Variants in ACYP2 observed in about 807,000 individuals in gnomAD.
ACYP2 encodes the protein acylphosphatase-2.
ACYP2 carries 12 observed loss-of-function variants against 11.2 expected under a neutral mutation model. The ratio of observed to expected loss-of-function variants is 1.08; its 90% CI spans 0.69 to 1.74. The LOEUF (loss-of-function observed/expected upper bound fraction) is 1.74. Ranked by LOEUF, ACYP2 falls within the 40% of genes most tolerant of loss-of-function variation. ACYP2 has a pLI of 0.00. For synonymous variants in ACYP2, 43 were observed against 32.2 expected (o/e 1.33, Z -1.13); for missense variants, 134 against 101.9 (o/e 1.31, Z -1.35).
At chr2:54,122,692 CAGAA>C (rs1265716739) in intron 4 of ACYP2, among the ~76,000 whole-genome samples, 2 of 152,198 alleles carry the variant, frequency 1.3e-5, no homozygotes, top group Non-Finnish European at 2.9e-5. Flanking sequence ...TCAGGACTCT[CAGAA>C]AGATTCTGGG....
intron 6 of ACYP2, among the ~76,000 whole-genome samples, chr2:54,204,684 C>T (rs932339249): frequency 1.3e-5 from 2 of 152,180 alleles, no homozygotes; most frequent in Non-Finnish European, 2.9e-5. Context: ...GCCTGGCATT[C>T]GGTGAGCTCC....
At chr2:54,115,036 A>T (rs1265467994) in intron 4 of ACYP2, among the ~76,000 whole-genome samples, 2 of 151,768 alleles carry the variant, frequency 1.3e-5, no homozygotes, top group Non-Finnish European at 2.9e-5. Flanking sequence ...GGGATGGGGG[A>T]TGAAAGGGGT....
At chr2:54,259,748 CAAAG>C (rs1687702532) in intron 6 of ACYP2, among the ~76,000 whole-genome samples, 2 of 152,028 alleles carry the variant, frequency 1.3e-5, no homozygotes, top group South Asian at 4.2e-4. Context: ...CAAAAAGAAA[CAAAG>C]AAATGGGATC....
At chr2:54,005,493 C>G (rs367732347) in intron 2 of ACYP2, among the ~76,000 whole-genome samples, 7 of 152,138 alleles carry the variant, frequency 4.6e-5, no homozygotes, top group Admixed American at 6.5e-5. Context: ...GCGTGTGCCA[C>G]CAAACCTGGC....
intron 6 of ACYP2, among the ~76,000 whole-genome samples, chr2:54,195,576 GC>G (rs1396463429): frequency 6.8e-6 from 1 of 147,192 alleles, no homozygotes; most frequent in African/African-American, 2.5e-5. Flanking sequence ...TTGCCATGTG[GC>G]CCCCGCAGCC....
At chr2:54,001,994 C>G (rs542969309) in intron 2 of ACYP2, among the ~76,000 whole-genome samples, 2 of 152,314 alleles carry the variant, frequency 1.3e-5, no homozygotes, top group Non-Finnish European at 1.5e-5. Context: ...ATTAATGAAC[C>G]TACATTGACC....
At chr2:54,170,101 T>C (rs958557878) in intron 6 of ACYP2, among the ~76,000 whole-genome samples, 2 of 152,182 alleles carry the variant, frequency 1.3e-5, no homozygotes, top group African/African-American at 4.8e-5. Context: ...TTTAGAACTA[T>C]GTAAGTTGTG....
intron 6 of ACYP2, among the ~76,000 whole-genome samples, chr2:54,195,123 G>T (rs891893641): frequency 6.6e-6 from 1 of 152,148 alleles, no homozygotes; most frequent in African/African-American, 2.4e-5. Context: ...AGAACTTCAT[G>T]TGCATCTGCC....
At chr2:53,982,213 A>G (rs1302116130) in intron 2 of ACYP2, among the ~76,000 whole-genome samples, 5 of 152,210 alleles carry the variant, frequency 3.3e-5, no homozygotes, top group African/African-American at 1.2e-4. Context: ...GATTATCTGC[A>G]TGCATAATTT....
chr2:54,271,159 A>G (rs538924959), intron 6 of ACYP2, among the ~76,000 whole-genome samples: 1 of 152,316 alleles, frequency 6.6e-6, no homozygotes, highest in Non-Finnish European at 1.5e-5. Flanking sequence ...AAGGATGATA[A>G]TAGTCCCTCC....
intron 6 of ACYP2, among the ~76,000 whole-genome samples, chr2:54,216,691 C>A (rs1053020744): frequency 2.6e-5 from 4 of 152,118 alleles, no homozygotes; most frequent in Non-Finnish European, 5.9e-5. Context: ...ACACACACCA[C>A]CACACCTGGC....
intron 4 of ACYP2, among the ~76,000 whole-genome samples, chr2:54,129,486 A>G (rs1319654982): frequency 1.3e-5 from 2 of 151,956 alleles, no homozygotes; most frequent in East Asian, 3.8e-4. Flanking sequence ...TATAGCATTC[A>G]AGATTATGAT....
At chr2:54,018,899 C>T (rs1673838860) in intron 2 of ACYP2, among the ~76,000 whole-genome samples, 1 of 151,890 alleles carries the variant, frequency 6.6e-6, no homozygotes. Context: ...AGGTGTGCAC[C>T]ACCACACCTG....
chr2:54,035,449 T>G (rs1447832022), intron 2 of ACYP2, among the ~76,000 whole-genome samples: 2 of 151,934 alleles, frequency 1.3e-5, no homozygotes, highest in East Asian at 3.9e-4. Context: ...GTGTTTTTAG[T>G]AGAGACGTGG....
chr2:54,154,459 C>G (rs1362029371), intron 6 of ACYP2, among the ~76,000 whole-genome samples: 1 of 152,076 alleles, frequency 6.6e-6, no homozygotes, highest in Non-Finnish European at 1.5e-5. Context: ...ATATACATTT[C>G]TTCTATACTA....
At chr2:54,264,340 G>C (rs1687919843) in intron 6 of ACYP2, among the ~76,000 whole-genome samples, 1 of 152,142 alleles carries the variant, frequency 6.6e-6, no homozygotes, top group African/African-American at 2.4e-5. Context: ...GCCGCTGCTG[G>C]CTCTGGCGGT....
At chr2:54,154,883 A>T (rs1682362419) in intron 6 of ACYP2, among the ~76,000 whole-genome samples, 1 of 152,206 alleles carries the variant, frequency 6.6e-6, no homozygotes, top group Non-Finnish European at 1.5e-5. Context: ...TTCATCAGTA[A>T]CACTTCCAGT....
chr2:54,256,080 C>T (rs373198874), intron 6 of ACYP2: 19 of 1,614,072 alleles, frequency 1.2e-5, no homozygotes, highest in Non-Finnish European at 1.5e-5. Context: ...CTCGGGACCT[C>T]TGGCCCTGGT....
At chr2:54,051,659 GA>G in intron 3 of ACYP2, 2 of 719,066 alleles carry the variant, frequency 2.8e-6, no homozygotes, top group Admixed American at 1.8e-5. Flanking sequence ...GAAGTTGAAG[GA>G]AAAATATGAA....
Sources: allele counts gnomAD v4.1 joint callset (sites outside exome capture counted in the v4.1 genomes callset), GRCh38; gene constraint gnomAD v4.1.1; transcripts MANE v1.5; gene names NCBI Gene and HGNC (gene_info 2026-07-23, HGNC 2026-07-21).